AR: variants seen among roughly 807,000 people sequenced by gnomAD.
AR encodes the protein androgen receptor, also known as dihydrotestosterone receptor.
In AR, 8 loss-of-function variants were observed where a neutral mutation model predicts 53.9. The ratio of observed to expected loss-of-function variants is 0.15; its 90% CI spans 0.09 to 0.27. AR has a LOEUF of 0.27. Ranked by LOEUF, AR falls within the 10% of genes least tolerant of loss-of-function variation. The pLI, the probability that AR is intolerant of heterozygous loss-of-function variation, is 1.00. For synonymous variants in AR, 359 were observed against 316.4 expected (o/e 1.13, Z -1.43); for missense variants, 639 against 742.5 (o/e 0.86, Z 1.62).
chrX:67,632,777 A>G (rs1316745004), intron 1 of AR, among the ~76,000 whole-genome samples: 1 of 112,591 alleles, frequency 8.9e-6, no homozygotes, highest in Non-Finnish European at 1.9e-5. Flanking sequence ...TTTGCAAATC[A>G]TATATCTGAT....
intron 3 of AR, chrX:67,694,867 T>C: frequency 9.3e-7 from 1 of 1,072,744 alleles, no homozygotes; most frequent in Non-Finnish European, 1.2e-6. Flanking sequence ...GCTACTCTCT[T>C]GATTGCTGAC....
intron 2 of AR, among the ~76,000 whole-genome samples, chrX:67,673,133 C>G (rs1178271251): frequency 6.5e-5 from 7 of 108,346 alleles, no homozygotes; most frequent in African/African-American, 2.4e-4. Context: ...TGCTGCCAGA[C>G]ATATATGAGT....
At chrX:67,607,885 A>G (rs1166957737) in intron 1 of AR, among the ~76,000 whole-genome samples, 2 of 111,515 alleles carry the variant, frequency 1.8e-5, no homozygotes, top group Non-Finnish European at 3.8e-5. Context: ...GGGACCAACA[A>G]GACACCCATT....
chrX:67,687,832 C>T (rs771714682), intron 3 of AR, among the ~76,000 whole-genome samples: 12 of 112,033 alleles, frequency 1.1e-4, no homozygotes, highest in African/African-American at 3.9e-4. Flanking sequence ...TTAATGGTAA[C>T]AAAAGTCCTC....
At chrX:67,550,790 G>A (rs1268374526) in intron 1 of AR, among the ~76,000 whole-genome samples, 2 of 109,416 alleles carry the variant, frequency 1.8e-5, no homozygotes, top group Non-Finnish European at 3.8e-5. Context: ...GCCTGTCCCC[G>A]ATTTTCTTTT....
intron 7 of AR, 84 bp downstream of exon 7, chrX:67,723,068 A>T (rs2147538695): frequency 9.2e-7 from 1 of 1,088,879 alleles, no homozygotes; most frequent in Non-Finnish European, 1.3e-6. Context: ...GTCTGGCACC[A>T]CCTGTTGGGA....
chrX:67,581,960 G>A (rs1238057513), intron 1 of AR, among the ~76,000 whole-genome samples: 1 of 111,471 alleles, frequency 9.0e-6, no homozygotes, highest in East Asian at 2.8e-4. Context: ...TTGGGGTTTG[G>A]ACTACCTATC....
intron 2 of AR, among the ~76,000 whole-genome samples, chrX:67,675,108 A>T (rs1304306638): frequency 1.8e-5 from 2 of 110,024 alleles, no homozygotes; most frequent in African/African-American, 6.6e-5. Context: ...AGGGCCTGGC[A>T]TGGTGACCTC....
intron 4 of AR, among the ~76,000 whole-genome samples, chrX:67,715,520 G>A (rs1421280101): frequency 9.0e-6 from 1 of 111,345 alleles, no homozygotes; most frequent in African/African-American, 3.3e-5. Flanking sequence ...CAATGTGTCT[G>A]GATAATGTAG....
At chrX:67,681,416 T>A (rs1426203136) in intron 2 of AR, among the ~76,000 whole-genome samples, 2 of 111,872 alleles carry the variant, frequency 1.8e-5, no homozygotes, top group East Asian at 2.8e-4. Context: ...AGAGAAAAGA[T>A]TTCTGCCACA....
At chrX:67,580,347 C>G (rs1424988823) in intron 1 of AR, among the ~76,000 whole-genome samples, 1 of 111,540 alleles carries the variant, frequency 9.0e-6, no homozygotes, top group Non-Finnish European at 1.9e-5. Context: ...AAATAATAAT[C>G]TGTTGTCAAA....
At chrX:67,677,516 A>C (rs1480636953) in intron 2 of AR, among the ~76,000 whole-genome samples, 1 of 112,033 alleles carries the variant, frequency 8.9e-6, no homozygotes, top group Non-Finnish European at 1.9e-5. Context: ...ATATCTTTAC[A>C]TGGTAATAAC....
intron 1 of AR, among the ~76,000 whole-genome samples, chrX:67,554,631 A>G (rs758549525): frequency 3.0e-4 from 34 of 111,788 alleles, no homozygotes; most frequent in Non-Finnish European, 6.0e-4. Flanking sequence ...AGCCTAATAA[A>G]GGGATTTTTT....
At chrX:67,565,813 C>A (rs1478144769) in intron 1 of AR, among the ~76,000 whole-genome samples, 1 of 111,499 alleles carries the variant, frequency 9.0e-6, no homozygotes, top group Non-Finnish European at 1.9e-5. Context: ...GTGCCTCAAC[C>A]TCCTGAGTAG....
At chrX:67,622,280 G>A (rs1203937559) in intron 1 of AR, among the ~76,000 whole-genome samples, 2 of 110,923 alleles carry the variant, frequency 1.8e-5, no homozygotes, top group South Asian at 3.8e-4. Context: ...CTGGCTAGTC[G>A]TCCCATGGCT....
chrX:67,662,445 A>G (rs1602235310), intron 2 of AR, among the ~76,000 whole-genome samples: 1 of 111,443 alleles, frequency 9.0e-6, no homozygotes, highest in Non-Finnish European at 1.9e-5. Context: ...TCATTTCATT[A>G]TGTACCTAGT....
chrX:67,544,216 G>A lies in AR; in HGVS notation c.-931G>A, dbSNP rs919575670. The A allele has an allele frequency of 1.2e-5, 2 of 168,527 alleles. No homozygotes were observed. The highest frequency in any genetic ancestry group is 5.9e-5 in the African/African-American group (2 of 33,676). 13.9% of individuals were successfully genotyped at this position (168,527 alleles called of 1,213,427 possible). ...CAGCCAACGCCTCTTGCAGCGCGGC[G>A]GCTTCGAAGCCGCCGCCCGGAGCTG... On this transcript the variant is annotated 5_prime_UTR_variant, in exon 1 of 8. Transcript: ENST00000374690.
intron 2 of AR, among the ~76,000 whole-genome samples, chrX:67,675,517 C>T (rs1569302771): frequency 9.0e-6 from 1 of 111,443 alleles, no homozygotes. Context: ...GGTCTAAGTG[C>T]TCCTTCTGTG....
At chrX:67,556,497 C>T (rs1387701498) in intron 1 of AR, among the ~76,000 whole-genome samples, 1 of 111,931 alleles carries the variant, frequency 8.9e-6, no homozygotes, top group African/African-American at 3.3e-5. Context: ...TTACAGACTG[C>T]ATATATTCAA....
Sources: allele counts gnomAD v4.1 joint callset (sites outside exome capture counted in the v4.1 genomes callset), GRCh38; gene constraint gnomAD v4.1.1; transcripts MANE v1.5; gene names NCBI Gene and HGNC (gene_info 2026-07-23, HGNC 2026-07-21).